CLK1: variants seen among roughly 807,000 people sequenced by gnomAD.
The protein encoded by CLK1 is dual specificity protein kinase CLK1.
Under a neutral mutation model 60.9 loss-of-function variants are expected in CLK1, and 40 were observed. The observed-to-expected ratio is 0.66, with a 90% CI of 0.51 to 0.86. The LOEUF (loss-of-function observed/expected upper bound fraction) is 0.86. CLK1 is among the 40% of genes least tolerant of loss of function. The probability of loss-of-function intolerance (pLI) is 0.00; values close to 1 mark genes in which losing one functional copy is unlikely to be tolerated. For synonymous variants in CLK1, 203 were observed against 184.4 expected, an observed-to-expected ratio of 1.10 and a Z score of -0.82; for missense variants, 563 against 606.1, an observed-to-expected ratio of 0.93 and a Z score of 0.75.
chr2:200,858,096 GA>G lies in CLK1; in HGVS notation c.549-8del. The G allele has an allele frequency of 6.4e-7, 1 of 1,555,530 alleles. No individual in the cohort carries two copies. On this transcript the variant is annotated splice_region_variant and splice_polypyrimidine_tract_variant and intron_variant, in intron 5 of 12. Transcript: ENST00000321356. The stretch of plus-strand genomic sequence containing the variant: ...TGCTACATGTCTACCTCCCCTGTTA[GA>G]AAGATGCATGCAAATTTAAGAATGA...
intron 7 of CLK1, 29 bp downstream of exon 7, chr2:200,857,689 A>T (rs759733911): frequency 1.8e-5 from 28 of 1,543,794 alleles, no homozygotes; most frequent in Middle Eastern, 1.7e-4. Flanking sequence ...TAAAACCAGC[A>T]AATTAACGAA....
At chr2:200,853,678 T>TG (rs199669278) in intron 12 of CLK1, among the ~76,000 whole-genome samples, 1,995 of 63,442 alleles carry the variant, frequency 0.031, 91 homozygotes, top group African/African-American at 0.1. Flanking sequence ...TGTCTTTACT[T>TG]GAAAAAAAAA....
rs752584832 is a variant in CLK1, at chr2:200,859,690, C to T, written c.538G>A (p.Asp180Asn). Reference protein sequence around the residue: ...GAFGKVVECIDHKAGGRHVAV... With the variant: ...GAFGKVVECINHKAGGRHVAV... ...ACATGGGAAACTTACGCTTTATGAT[C>T]GATGCACTCCACAACTTTTCCAAAA... Residue 180 changes from aspartate (D) to asparagine (N), a missense_variant, in exon 5 of 13, where the codon GAT (aspartate) becomes AAT (asparagine). Asp to Asn is a conservative substitution (Grantham distance 23, BLOSUM62 1). This residue lies in a region of CLK1 where 360 missense variants were observed against 407.0 expected (regional missense o/e 0.88). Coordinates refer to ENST00000321356, the MANE Select transcript of CLK1 (RefSeq NM_004071.4). 6 of 1,612,690 alleles carry T rather than the reference C, an allele frequency of 3.7e-6. No homozygotes were observed. The highest frequency in any genetic ancestry group is 4.2e-6 in the Non-Finnish European group (5 of 1,179,378).
rs1575079622 is a variant in CLK1 at position 200,859,831 on chromosome 2, C to T, written c.482-85G>A. On this transcript the variant is annotated intron_variant, in intron 4 of 12. Transcript: ENST00000321356. ...ATAAATGCTATCAATGTAGATTATT[C>T]TAGTTGATGCTACAAATTTCCTTAT... 1.3e-5 allele frequency: 20 copies of T among 1,553,214 alleles called. No individual in the cohort carries two copies. The East Asian group carries it at 4.3e-4, about 34-fold the overall frequency.
In CLK1 at chr2:200,861,786, C is replaced by A. The variant is rs566842001; in HGVS notation, c.77G>T (p.Ser26Ile). The change falls in exon 2 of 13, where the codon AGC becomes ATC. Residue 26 changes from serine to isoleucine, a missense_variant. Around this residue, in one of 3 missense-constraint regions of CLK1, gnomAD observed 198 missense variants for 179.2 expected, o/e 1.10. Coordinates refer to ENST00000321356, the MANE Select transcript of CLK1 (RefSeq NM_004071.4). ...TGATCTCTTCCTTCTTTTATGACTGCTGCTGCTCCTCCATTTTCCATAATC... is the reference window on the plus strand; with the variant it reads ...TGATCTCTTCCTTCTTTTATGACTGATGCTGCTCCTCCATTTTCCATAATC... Reference protein sequence around the residue: ...DWDYGKWRSSSSHKRRKRSHS... With the variant: ...DWDYGKWRSSISHKRRKRSHS... 6.2e-7 allele frequency: 1 copy of A among 1,614,044 alleles called. No homozygotes were observed. Among genetic ancestry groups the A allele is most frequent in the Non-Finnish European group, 8.5e-7 (1 of 1,179,956 alleles).
chr2:200,859,313 C>T (rs770122846), intron 5 of CLK1, among the ~76,000 whole-genome samples: 80 of 152,146 alleles, frequency 5.3e-4, no homozygotes, highest in Non-Finnish European at 1.6e-4. Flanking sequence ...TAGGTAACTA[C>T]CCTGAAAAGG....
intron 12 of CLK1, 45 bp from the exon 13 acceptor site, chr2:200,853,494 A>G: frequency 1.3e-6 from 2 of 1,544,260 alleles, no homozygotes; most frequent in East Asian, 2.2e-5. Flanking sequence ...TTCCACTACC[A>G]TTGACTACAC....
rs1345022053 is a variant in CLK1 at position 200,857,887 on chromosome 2, AC to A, written c.666-4del. The A allele has an allele frequency of 6.2e-7, 1 of 1,612,454 alleles. No homozygotes were observed. The highest frequency in any genetic ancestry group is 2.2e-5 in the East Asian group (1 of 44,850). On this transcript the variant is annotated splice_region_variant and splice_polypyrimidine_tract_variant and intron_variant, in intron 6 of 12. Transcript: ENST00000321356. Reference sequence around the variant, plus strand: ...ATTCCAACATCTGGACACAGCGGCTACAAACACATGAAAAATAGCTAAGTAT... The same window carrying A: ...ATTCCAACATCTGGACACAGCGGCTAAAACACATGAAAAATAGCTAAGTAT...
At chr2:200,855,825 T>C (rs2105735462) in intron 9 of CLK1, among the ~76,000 whole-genome samples, 1 of 151,274 alleles carries the variant, frequency 6.6e-6, no homozygotes, top group East Asian at 2.0e-4. Context: ...CCTGCCAACA[T>C]GGTAAAAACC....
At position 200,857,961 on chromosome 2, in the gene CLK1, T is replaced by A; in HGVS notation, c.665+12A>T. 1 of 1,612,684 alleles carries A rather than the reference T, an allele frequency of 6.2e-7. No homozygotes were observed. The highest frequency in any genetic ancestry group is 1.1e-5 in the South Asian group (1 of 91,050). ...CCTGATACCACTTCCCAAGTTCTAA[T>A]CTGATACTTACAAAGTACTGTTGGG... On this transcript the variant is annotated intron_variant, in intron 6 of 12. Transcript: ENST00000321356.
At chr2:200,864,238 G>A (rs750357217) in intron 1 of CLK1, 1 of 1,540,228 alleles carries the variant, frequency 6.5e-7, no homozygotes, top group South Asian at 1.2e-5. Context: ...TTACAGCTCC[G>A]CCGAGGCGGT....
chr2:200,863,116 G>C (rs1255418464), intron 1 of CLK1: 1 of 151,992 alleles, frequency 6.6e-6, no homozygotes, highest in Non-Finnish European at 1.5e-5. Context: ...TTACCGGCGG[G>C]ACCCCTCTGT....
chr2:200,857,239 G>C (rs1033912478), intron 7 of CLK1: 16 of 458,694 alleles, frequency 3.5e-5, no homozygotes, highest in Non-Finnish European at 5.9e-5. Flanking sequence ...TGGGGAGGCA[G>C]AGTTTGCAGT....
chr2:200,855,629 C>G lies in CLK1; in HGVS notation c.1058-543G>C, dbSNP rs536314207. Among the ~76,000 whole-genome samples, 584 of 148,898 alleles carry G rather than the reference C, an allele frequency of 3.9e-3. 4 individuals are homozygous for G. Among genetic ancestry groups the G allele is most frequent in the African/African-American group, 0.014 (556 of 40,552 alleles). On this transcript the variant is annotated intron_variant, in intron 9 of 12. Transcript: ENST00000321356. ...GACAGAGCAAGACTCCGCCCCCCCC[C>G]CAAAAAATTATATATATACACATAT...
intron 1 of CLK1, 94 bp from the exon 2 acceptor site, chr2:200,861,956 T>G: frequency 1.0e-6 from 1 of 977,050 alleles, no homozygotes; most frequent in South Asian, 1.5e-5. Flanking sequence ...GACCTCGTTT[T>G]AAGACCAAAA....
At position 200,857,520 on chromosome 2, in the gene CLK1, T is replaced by C. The variant is rs1426392572; in HGVS notation, c.832+198A>G. On this transcript the variant is annotated intron_variant, in intron 7 of 12. Coordinates refer to ENST00000321356, the MANE Select transcript of CLK1 (RefSeq NM_004071.4). The stretch of plus-strand genomic sequence containing the variant: ...AAATCATAGTCTGCAACAAAGTACG[T>C]TGTTATATGGTGGATATCCTACTTG... The C allele has an allele frequency of 3.4e-5, 16 of 464,442 alleles. No homozygotes were observed. In the East Asian group the frequency reaches 4.5e-4, roughly 13 times the overall value. The allele number at this position is 464,442 out of a possible 1,614,324, so 28.8% of individuals were successfully genotyped here.
intron 3 of CLK1, chr2:200,860,916 T>G: frequency 1.8e-6 from 2 of 1,113,988 alleles, no homozygotes; most frequent in Non-Finnish European, 2.2e-6. Flanking sequence ...AGATCAAAAC[T>G]AATCAGGTTT....
intron 9 of CLK1, among the ~76,000 whole-genome samples, chr2:200,856,045 A>G (rs1348338306): frequency 1.3e-5 from 2 of 151,424 alleles, no homozygotes; most frequent in Non-Finnish European, 2.9e-5. Context: ...TAAATTATAT[A>G]GTGTTATATA....
chr2:200,861,690 T>A lies in CLK1; in HGVS notation c.161+12A>T. ...TATTGTTATATTCAGACATTTTAAG[T>A]ATCCTCCTTACCTATCACACATTTT... On this transcript the variant is annotated intron_variant, in intron 2 of 12. Transcript: ENST00000321356. The A allele has an allele frequency of 6.2e-7, 1 of 1,613,346 alleles. No homozygotes were observed. Among genetic ancestry groups the A allele is most frequent in the Non-Finnish European group, 8.5e-7 (1 of 1,179,622 alleles).
Sources: allele counts gnomAD v4.1 joint callset (sites outside exome capture counted in the v4.1 genomes callset), GRCh38; gene constraint gnomAD v4.1.1; regional missense constraint gnomAD v4.1.1; transcripts MANE v1.5; gene names NCBI Gene and HGNC (gene_info 2026-07-23, HGNC 2026-07-21).